PRKCE: variants seen among roughly 807,000 people sequenced by gnomAD.
The protein encoded by PRKCE is protein kinase C epsilon.
A neutral mutation model predicts 85.4 loss-of-function variants in PRKCE; 16 were observed. That is an observed-to-expected ratio of 0.19 (90% CI 0.13 to 0.28). PRKCE has a LOEUF of 0.28. PRKCE is among the 10% of genes least tolerant of loss of function. The pLI, the probability that PRKCE is intolerant of heterozygous loss-of-function variation, is 1.00. For missense variants in PRKCE, 573 were observed against 975.2 expected (o/e 0.59, Z 5.49); for synonymous variants, 388 against 371.5 (o/e 1.04, Z -0.51).
At chr2:45,891,044 T>G (rs1695685072) in intron 2 of PRKCE, among the ~76,000 whole-genome samples, 1 of 152,168 alleles carries the variant, frequency 6.6e-6, no homozygotes, top group Admixed American at 6.5e-5. Flanking sequence ...AGATGAGGGC[T>G]TTTAGGAAGG....
At position 46,022,836 on chromosome 2, in the gene PRKCE, C is replaced by T. The variant is rs549378635; in HGVS notation, c.1437+12319C>T. 1.4e-3 allele frequency among the ~76,000 whole-genome samples: 209 copies of T among 152,266 alleles called. 2 individuals carry two copies. The highest frequency in any genetic ancestry group is 4.7e-3 in the African/African-American group (194 of 41,562). ...CGGTGGCTCACGCCTGTAATCCCAGCACTTTGGGAGGCCGAGGCGGGTGGA... is the reference window on the plus strand; with the variant it reads ...CGGTGGCTCACGCCTGTAATCCCAGTACTTTGGGAGGCCGAGGCGGGTGGA... On this transcript the variant is annotated intron_variant, in intron 10 of 14. Coordinates refer to ENST00000306156, the MANE Select transcript of PRKCE (RefSeq NM_005400.3).
chr2:46,010,852 T>C, intron 10 of PRKCE: 1 of 1,526,698 alleles, frequency 6.6e-7, no homozygotes, highest in Non-Finnish European at 8.8e-7. Context: ...CTATCACTAA[T>C]CAAATCACTT....
At chr2:46,105,979 T>C (rs1011687723) in intron 11 of PRKCE, among the ~76,000 whole-genome samples, 10 of 152,352 alleles carry the variant, frequency 6.6e-5, no homozygotes, top group African/African-American at 2.4e-4. Context: ...TGTTTTATAG[T>C]AGTAAATGAT....
intron 2 of PRKCE, among the ~76,000 whole-genome samples, chr2:45,955,339 G>C (rs145433408): frequency 0.013 from 1,910 of 152,230 alleles, 25 homozygotes; most frequent in Middle Eastern, 0.085. Flanking sequence ...CCTCTGAGAG[G>C]GTTTGCCAGG....
At chr2:45,924,165 T>C (rs571367616) in intron 2 of PRKCE, among the ~76,000 whole-genome samples, 1 of 152,282 alleles carries the variant, frequency 6.6e-6, no homozygotes, top group East Asian at 1.9e-4. Flanking sequence ...CCTTTCCTTA[T>C]GGGTGGGGAA....
chr2:46,095,105 CT>C (rs1670559986), intron 11 of PRKCE, among the ~76,000 whole-genome samples: 1 of 152,158 alleles, frequency 6.6e-6, no homozygotes, highest in East Asian at 1.9e-4. Context: ...GATTCTTTCT[CT>C]TCTGTTTTCT....
intron 2 of PRKCE, among the ~76,000 whole-genome samples, chr2:45,947,347 T>C (rs1700311012): frequency 6.6e-6 from 1 of 152,024 alleles, no homozygotes. Flanking sequence ...GAGGGATGCC[T>C]GGTAAAGGGT....
intron 11 of PRKCE, among the ~76,000 whole-genome samples, chr2:46,089,520 T>C (rs771966598): frequency 6.6e-6 from 1 of 152,350 alleles, no homozygotes; most frequent in East Asian, 1.9e-4. Context: ...GGTTGTTGCA[T>C]GTTCCCCTTC....
At chr2:46,035,043 G>A (rs1053520442) in intron 10 of PRKCE, among the ~76,000 whole-genome samples, 12 of 152,208 alleles carry the variant, frequency 7.9e-5, no homozygotes, top group Admixed American at 2.0e-4. Context: ...GTGACCACAT[G>A]GGTTGTACCT....
chr2:45,712,113 C>G (rs984294288), intron 1 of PRKCE, among the ~76,000 whole-genome samples: 2 of 149,584 alleles, frequency 1.3e-5, no homozygotes, highest in Non-Finnish European at 3.0e-5. Flanking sequence ...TGACAGTTGA[C>G]CTCTTGCCAC....
At chr2:45,731,720 C>T (rs2104553064) in intron 1 of PRKCE, among the ~76,000 whole-genome samples, 1 of 150,000 alleles carries the variant, frequency 6.7e-6, no homozygotes, top group African/African-American at 2.5e-5. Flanking sequence ...ACCTCCTAGG[C>T]TCAAGTGATG....
intron 10 of PRKCE, among the ~76,000 whole-genome samples, chr2:46,055,997 G>C (rs1666548220): frequency 6.6e-6 from 1 of 152,142 alleles, no homozygotes; most frequent in African/African-American, 2.4e-5. Flanking sequence ...ACCCATTGTG[G>C]ATAAAAAATA....
At chr2:45,670,912 G>A (rs1324603946) in intron 1 of PRKCE, among the ~76,000 whole-genome samples, 1 of 152,200 alleles carries the variant, frequency 6.6e-6, no homozygotes, top group East Asian at 1.9e-4. Context: ...TGGCCTGAAA[G>A]CCCCCATCTC....
chr2:45,981,708 G>C (rs983535803), intron 5 of PRKCE, among the ~76,000 whole-genome samples: 2 of 152,210 alleles, frequency 1.3e-5, no homozygotes, highest in East Asian at 3.9e-4. Context: ...CTTGCTTGCT[G>C]TCTGCCTTAT....
intron 1 of PRKCE, among the ~76,000 whole-genome samples, chr2:45,781,195 C>T (rs754621768): frequency 5.3e-5 from 8 of 151,778 alleles, no homozygotes; most frequent in Non-Finnish European, 8.8e-5. Context: ...AAAAAAAAAG[C>T]CTGGTGTGGA....
chr2:45,893,180 G>T (rs1009209317), intron 2 of PRKCE, among the ~76,000 whole-genome samples: 13 of 152,132 alleles, frequency 8.5e-5, no homozygotes, highest in African/African-American at 3.1e-4. Context: ...TAGTTTGGTG[G>T]AAAGAAGTGG....
chr2:45,993,637 CAAG>C (rs1182623165), intron 6 of PRKCE, among the ~76,000 whole-genome samples: 12 of 152,150 alleles, frequency 7.9e-5, no homozygotes, highest in Non-Finnish European at 1.5e-4. Flanking sequence ...TTGCCCTTCT[CAAG>C]AAATTCTCAA....
intron 2 of PRKCE, among the ~76,000 whole-genome samples, chr2:45,951,331 A>G (rs558730222): frequency 6.6e-6 from 1 of 152,330 alleles, no homozygotes; most frequent in South Asian, 2.1e-4. Flanking sequence ...AAACAGCTTC[A>G]TACAGACTGT....
intron 10 of PRKCE, among the ~76,000 whole-genome samples, chr2:46,046,812 A>C (rs765050865): frequency 2.6e-5 from 4 of 152,160 alleles, no homozygotes; most frequent in Non-Finnish European, 1.5e-5. Context: ...AGAGCACTTT[A>C]ATAGCCAGGG....
Sources: gnomAD v4.1 joint callset for allele counts (sites outside exome capture counted in the v4.1 genomes callset) on GRCh38, gnomAD v4.1.1 for gene constraint, MANE v1.5 for transcripts, NCBI Gene and HGNC (gene_info 2026-07-23, HGNC 2026-07-21) for gene names.